JAKMIP1: variants seen among roughly 807,000 people sequenced by gnomAD.
The protein encoded by JAKMIP1 is janus kinase and microtubule-interacting protein 1.
Under a neutral mutation model 113.0 loss-of-function variants are expected in JAKMIP1, and 33 were observed. The observed-to-expected ratio is 0.29, with a 90% CI of 0.22 to 0.39. The LOEUF (loss-of-function observed/expected upper bound fraction) is 0.39, where lower values mean the gene tolerates loss of function less well. Ranked by LOEUF, JAKMIP1 falls within the 10% of genes least tolerant of loss-of-function variation. JAKMIP1 has a pLI of 1.00. For synonymous variants in JAKMIP1, 480 were observed against 459.9 expected (o/e 1.04, Z -0.56); for missense variants, 813 against 1,080.5 (o/e 0.75, Z 3.47).
intron 1 of JAKMIP1, among the ~76,000 whole-genome samples, chr4:6,133,271 C>G (rs1718770002): frequency 6.6e-6 from 1 of 152,168 alleles, no homozygotes; most frequent in Non-Finnish European, 1.5e-5. Flanking sequence ...CAAGGTACCT[C>G]CATTGATAAT....
chr4:6,126,005 AAC>A (rs202164344), intron 1 of JAKMIP1, among the ~76,000 whole-genome samples: 11 of 128,084 alleles, frequency 8.6e-5, no homozygotes, highest in African/African-American at 1.2e-4. Flanking sequence ...ACCATACAGA[AAC>A]ACACACACAC....
chr4:6,079,101 C>T (rs1720119970), intron 7 of JAKMIP1, 103 bp from the exon 8 acceptor site: 1 of 1,212,216 alleles, frequency 8.2e-7, no homozygotes, highest in Non-Finnish European at 1.2e-6. Flanking sequence ...CCGCACCAGG[C>T]ATGGCTAGTT....
At chr4:6,151,342 G>A (rs910749734) in intron 1 of JAKMIP1, among the ~76,000 whole-genome samples, 9 of 152,104 alleles carry the variant, frequency 5.9e-5, no homozygotes, top group African/African-American at 1.9e-4. Context: ...GCAATAGCAG[G>A]GCCAAGATGA....
At chr4:6,152,532 C>A (rs1721692681) in intron 1 of JAKMIP1, among the ~76,000 whole-genome samples, 1 of 152,182 alleles carries the variant, frequency 6.6e-6, no homozygotes, top group African/African-American at 2.4e-5. Context: ...GACCTCTGAT[C>A]CTGATGCCGG....
chr4:6,078,495 C>A (rs1243354949), intron 8 of JAKMIP1, among the ~76,000 whole-genome samples: 1 of 149,622 alleles, frequency 6.7e-6, no homozygotes, highest in African/African-American at 2.5e-5. Context: ...CCAGCTCCTT[C>A]AGACACTGTT....
rs1715575923 is a variant in JAKMIP1, at chr4:6,050,864, G to C, written c.1807-185C>G. Among the ~76,000 whole-genome samples, 1 of 152,186 alleles carries C rather than the reference G, an allele frequency of 6.6e-6. No homozygotes were observed. The highest frequency in any genetic ancestry group is 2.4e-5 in the African/African-American group (1 of 41,440). On this transcript the variant is annotated intron_variant, in intron 13 of 20. Transcript: ENST00000409021. The surrounding 1 kb of genome is among the most constrained non-coding windows in gnomAD (Gnocchi z 7.4). ...CGTTTTCACGCCTTCCCACGCAGCA[G>C]TTCTCCATGGAAATGTGTTTACTTC...
chr4:6,133,311 T>C (rs1488820846), intron 1 of JAKMIP1, among the ~76,000 whole-genome samples: 2 of 152,216 alleles, frequency 1.3e-5, no homozygotes, highest in East Asian at 1.9e-4. Flanking sequence ...ACAAGCTCTT[T>C]GAAAGCCTTA....
Position 6,105,539 on chromosome 4 carries a change from G to C in JAKMIP1, c.558C>G (p.Ala186=). 2 of 1,607,570 alleles carry C rather than the reference G, an allele frequency of 1.2e-6. No individual in the cohort carries two copies. The highest frequency in any genetic ancestry group is 1.7e-6 in the Non-Finnish European group (2 of 1,177,484). ...DKTKAADLRA[A]YQAHQDEVHR... is the part of the protein sequence containing the mutation. Reference sequence around the variant, plus strand: ...GCACCTCGTCTTGGTGCGCCTGGTAGGCGGCACGCAGGTCGGCTGCCTTGG... The same window carrying C: ...GCACCTCGTCTTGGTGCGCCTGGTACGCGGCACGCAGGTCGGCTGCCTTGG... Residue 186 remains alanine, a synonymous_variant, in exon 3 of 21, where the codon GCC becomes GCG. Transcript: ENST00000409021.
At position 6,156,385 on chromosome 4, in the gene JAKMIP1, T is replaced by G. The variant is rs2108993864; in HGVS notation, c.-147-43388A>C. On this transcript the variant is annotated intron_variant, in intron 1 of 20. Transcript: ENST00000409021. This position sits in a 1 kb window ranked among gnomAD's most constrained non-coding sequence, Gnocchi z 5.0. ...TTAGTGGTACAAAAATAATGATGCATGTCCCAATTGACAGCAGCTTAGATT... is the reference window on the plus strand; with the variant it reads ...TTAGTGGTACAAAAATAATGATGCAGGTCCCAATTGACAGCAGCTTAGATT... 6.6e-6 allele frequency among the ~76,000 whole-genome samples: 1 copy of G among 152,378 alleles called. No individual in the cohort carries two copies. Among genetic ancestry groups the G allele is most frequent in the South Asian group, 2.1e-4 (1 of 4,832 alleles).
rs145496836 is a variant in JAKMIP1, at chr4:6,033,516, A to T, written c.2379+2388T>A. Among the ~76,000 whole-genome samples the T allele has an allele frequency of 4.6e-5, 7 of 152,376 alleles. No homozygotes were observed. The South Asian group carries it at 8.3e-4, about 18-fold the overall frequency. Reference sequence around the variant, plus strand: ...TGAGTGCTTACTTTGTGAGCACTTTAGATAAATTCTCCATTGACCGCAACA... The same window carrying T: ...TGAGTGCTTACTTTGTGAGCACTTTTGATAAATTCTCCATTGACCGCAACA... On this transcript the variant is annotated intron_variant, in intron 19 of 20. Coordinates refer to ENST00000409021, the MANE Select transcript of JAKMIP1 (RefSeq NM_001099433.2).
chr4:6,146,442 G>T (rs866049628), intron 1 of JAKMIP1, among the ~76,000 whole-genome samples: 1 of 152,128 alleles, frequency 6.6e-6, no homozygotes, highest in Non-Finnish European at 1.5e-5. Context: ...CTACAGGCAT[G>T]TGTCAACACT....
chr4:6,197,685 C>T lies in JAKMIP1; in HGVS notation c.-148+2568G>A, dbSNP rs141453035. On this transcript the variant is annotated intron_variant, in intron 1 of 20. Transcript: ENST00000409021. This position sits in a 1 kb window ranked among gnomAD's most constrained non-coding sequence, Gnocchi z 6.5. ...TCATCCTCAGACTCCCCAAGGGAAG[C>T]CCCCATTTAGTTAGAAAGCCCAGCA... Among the ~76,000 whole-genome samples, 273 of 152,320 alleles carry T rather than the reference C, an allele frequency of 1.8e-3. 1 individual carries two copies. The highest frequency in any genetic ancestry group is 6.2e-3 in the African/African-American group (256 of 41,562).
rs1239216840 is a variant in JAKMIP1, at chr4:6,050,846, A to C, written c.1807-167T>G. ...CTCGTCCGTGAGCTACGACGTTTTC[A>C]CGCCTTCCCACGCAGCAGTTCTCCA... On this transcript the variant is annotated intron_variant, in intron 13 of 20. Coordinates refer to ENST00000409021, the MANE Select transcript of JAKMIP1 (RefSeq NM_001099433.2). The surrounding 1 kb of genome is among the most constrained non-coding windows in gnomAD (Gnocchi z 7.4). Among the ~76,000 whole-genome samples, 2 of 152,198 alleles carry C rather than the reference A, an allele frequency of 1.3e-5. No individual in the cohort carries two copies. The highest frequency in any genetic ancestry group is 2.9e-5 in the Non-Finnish European group (2 of 68,044).
rs946231387 is a variant in JAKMIP1 at position 6,142,688 on chromosome 4, C to T, written c.-147-29691G>A. Reference sequence around the variant, plus strand: ...CACAGCTCTGCTTCCCAGCCGCCACCCTGAGGTTTCCAGGAGATGGCAATG... The same window carrying T: ...CACAGCTCTGCTTCCCAGCCGCCACTCTGAGGTTTCCAGGAGATGGCAATG... On this transcript the variant is annotated intron_variant, in intron 1 of 20. Coordinates refer to ENST00000409021, the MANE Select transcript of JAKMIP1 (RefSeq NM_001099433.2). This position sits in a 1 kb window ranked among gnomAD's most constrained non-coding sequence, Gnocchi z 5.5. Among the ~76,000 whole-genome samples the T allele has an allele frequency of 3.3e-5, 5 of 152,192 alleles. No homozygotes were observed. Among genetic ancestry groups the T allele is most frequent in the Non-Finnish European group, 7.3e-5 (5 of 68,038 alleles).
intron 1 of JAKMIP1, among the ~76,000 whole-genome samples, chr4:6,131,597 G>C (rs190769239): frequency 1.2e-3 from 187 of 152,260 alleles, no homozygotes; most frequent in Middle Eastern, 3.4e-3. Context: ...AGGCATGGTG[G>C]TGCGTGCCTG....
rs889925642 is a variant in JAKMIP1, at chr4:6,036,211, G to C, written c.2176-104C>G. 23 of 858,330 alleles carry C rather than the reference G, an allele frequency of 2.7e-5. No homozygotes were observed. In the Middle Eastern group the frequency reaches 1.7e-3, roughly 64 times the overall value. The allele number at this position is 858,330 out of a possible 1,614,324, so 53.2% of individuals were successfully genotyped here. A position where few individuals can be genotyped will look rare whatever the true frequency, so the allele number is the denominator to read the frequency against. ...AGGCAGAGCCAGGGAGGGGGGTTTC[G>C]GGCAGGGAGGGGCAACTGGCAGGGG... On this transcript the variant is annotated intron_variant, in intron 18 of 20. Coordinates refer to ENST00000409021, the MANE Select transcript of JAKMIP1 (RefSeq NM_001099433.2).
chr4:6,077,976 C>T (rs528142701), intron 8 of JAKMIP1, among the ~76,000 whole-genome samples: 2 of 152,296 alleles, frequency 1.3e-5, no homozygotes, highest in African/African-American at 2.4e-5. Flanking sequence ...ACCCTGACAC[C>T]AAGACCACAT....
At position 6,067,608 on chromosome 4, in the gene JAKMIP1, A is replaced by AC. The variant is rs200089416; in HGVS notation, c.1303-2601dup. Reference sequence around the variant, plus strand: ...TCAAGCTCTTCTGCACACACAGGTCACCCCCCTGAGCTCCAGGTTCACTCA... The same window carrying AC: ...TCAAGCTCTTCTGCACACACAGGTCACCCCCCCTGAGCTCCAGGTTCACTCA... On this transcript the variant is annotated intron_variant, in intron 8 of 20. Coordinates refer to ENST00000409021, the MANE Select transcript of JAKMIP1 (RefSeq NM_001099433.2). This position sits in a 1 kb window ranked among gnomAD's most constrained non-coding sequence, Gnocchi z 4.6. 8.2e-4 allele frequency among the ~76,000 whole-genome samples: 120 copies of AC among 146,780 alleles called. No individual in the cohort carries two copies. Among genetic ancestry groups the AC allele is most frequent in the Middle Eastern group, 7.0e-3 (2 of 284 alleles).
chr4:6,122,303 G>A (rs1266258589), intron 1 of JAKMIP1, among the ~76,000 whole-genome samples: 2 of 152,292 alleles, frequency 1.3e-5, no homozygotes, highest in South Asian at 4.1e-4. Flanking sequence ...TCCAGCCTGG[G>A]CGACAGAGTG....
Sources: gnomAD v4.1 joint callset for allele counts (sites outside exome capture counted in the v4.1 genomes callset) on GRCh38, gnomAD v4.1.1 for gene constraint, Gnocchi (gnomAD v3.1) non-coding constraint, MANE v1.5 for transcripts, NCBI Gene and HGNC (gene_info 2026-07-23, HGNC 2026-07-21) for gene names.